Variants in HSD17B4 observed in about 807,000 individuals in gnomAD.
HSD17B4 encodes hydroxysteroid 17-beta dehydrogenase 4.
HSD17B4 carries 70 observed loss-of-function variants against 101.0 expected under a neutral mutation model. That is an observed-to-expected ratio of 0.69 (90% CI 0.57 to 0.85). The LOEUF is 0.85. Among genes scored for constraint, HSD17B4 ranks in the 40% least tolerant of loss-of-function variants. The pLI is 0.00. For synonymous variants in HSD17B4, 347 were observed against 297.1 expected, an observed-to-expected ratio of 1.17 and a Z score of -1.73; for missense variants, 984 against 892.4, an observed-to-expected ratio of 1.10 and a Z score of -1.31.
chr5:119,458,228 A>G (rs1372095977), intron 2 of HSD17B4, among the ~76,000 whole-genome samples: 2 of 152,186 alleles, frequency 1.3e-5, no homozygotes, highest in African/African-American at 4.8e-5. Flanking sequence ...ATCCATGTGG[A>G]AGTGCAGAAA....
At chr5:119,516,981 C>G (rs1328377387) in intron 17 of HSD17B4, among the ~76,000 whole-genome samples, 1 of 152,258 alleles carries the variant, frequency 6.6e-6, no homozygotes, top group East Asian at 1.9e-4. Context: ...GGCGCCTCCT[C>G]TGCCTGGGCT....
At chr5:119,494,399 T>TTATTTAA (rs1331965737) in intron 11 of HSD17B4, among the ~76,000 whole-genome samples, 1 of 144,968 alleles carries the variant, frequency 6.9e-6, no homozygotes, top group East Asian at 2.1e-4. Context: ...CTCAAAAAGA[T>TTATTTAA]TATTTAAGCC....
In HSD17B4 at chr5:119,493,874, C is replaced by T. The variant is rs146555135; in HGVS notation, c.796C>T (p.Pro266Ser). The change falls in exon 11 of 24, where the codon CCT becomes TCT. Residue 266 changes from proline (P) to serine (S), a missense_variant. Coordinates refer to ENST00000510025, the MANE Select transcript of HSD17B4 (RefSeq NM_000414.4). ...IVRQKNHPMT[P>S]EAVKANWKKI... ...AAGACAAAAGAATCACCCAATGACTCCTGAGGCAGTCAAGGCTAACTGGAA... is the reference window on the plus strand; with the variant it reads ...AAGACAAAAGAATCACCCAATGACTTCTGAGGCAGTCAAGGCTAACTGGAA... 6.4e-5 allele frequency: 104 copies of T among 1,612,668 alleles called. No homozygotes were observed. Among genetic ancestry groups the T allele is most frequent in the Non-Finnish European group, 8.1e-5 (96 of 1,178,942 alleles).
chr5:119,453,174 T>C (rs1754254333), intron 1 of HSD17B4, among the ~76,000 whole-genome samples: 1 of 152,180 alleles, frequency 6.6e-6, no homozygotes, highest in Non-Finnish European at 1.5e-5. Context: ...CCCTTCCCCG[T>C]TGGAGTTTGT....
At chr5:119,525,775 A>G (rs1753537593) in intron 18 of HSD17B4, 142 bp from the exon 19 acceptor site, 2 of 616,920 alleles carry the variant, frequency 3.2e-6, no homozygotes, top group Non-Finnish European at 5.8e-6. Context: ...TCTTTAAAAA[A>G]TATCTACTGT....
In HSD17B4 at chr5:119,518,454, G is replaced by A. The variant is rs142795181; in HGVS notation, c.1503+3408G>A. ...GTGAGACCAAGAACCCACCAATTCC[G>A]GACACAGAAGGGTTCGATAGTAAGA... On this transcript the variant is annotated intron_variant, in intron 17 of 23. Coordinates refer to ENST00000510025, the MANE Select transcript of HSD17B4 (RefSeq NM_000414.4). Among the ~76,000 whole-genome samples the A allele has an allele frequency of 3.5e-4, 53 of 152,276 alleles. No homozygotes were observed. The East Asian group carries it at 8.9e-3, about 26-fold the overall frequency.
chr5:119,511,490 A>T (rs988197010), intron 16 of HSD17B4, among the ~76,000 whole-genome samples: 2 of 152,350 alleles, frequency 1.3e-5, no homozygotes, highest in East Asian at 3.9e-4. Context: ...TTGTTGAACA[A>T]TTTATACCCC....
Position 119,506,828 on chromosome 5 carries a change from A to G in HSD17B4, c.1272A>G (p.Lys424=). The G allele has an allele frequency of 6.3e-7, 1 of 1,575,934 alleles. No individual in the cohort carries two copies. Among genetic ancestry groups the G allele is most frequent in the Non-Finnish European group, 8.7e-7 (1 of 1,146,270 alleles). ...TACTTTTCTTTCTAGGAAAATTAAA[A>G]TGTGAAGCAGTTGTTGCTGATGTCC... is the stretch of plus-strand genomic sequence containing the variant. ...YKPLPRAGKL[K]CEAVVADVLD... Residue 424 remains lysine (K), a synonymous_variant, in exon 15 of 24, where the codon AAA becomes AAG. Transcript: ENST00000510025.
chr5:119,456,511 C>G, intron 2 of HSD17B4, 143 bp downstream of exon 2: 1 of 666,416 alleles, frequency 1.5e-6, no homozygotes, highest in Non-Finnish European at 2.7e-6. Context: ...GTTTTTACCC[C>G]GACTAAGGCT....
At chr5:119,540,222 T>C (rs1754875443) in intron 23 of HSD17B4, among the ~76,000 whole-genome samples, 1 of 152,186 alleles carries the variant, frequency 6.6e-6, no homozygotes, top group Non-Finnish European at 1.5e-5. Context: ...GTTTCATTTA[T>C]GAAGTAGTTC....
intron 2 of HSD17B4, among the ~76,000 whole-genome samples, chr5:119,468,691 GT>G (rs763312402): frequency 4.8e-4 from 73 of 152,016 alleles, no homozygotes; most frequent in Admixed American, 1.1e-3. Context: ...CAGCTAAAAT[GT>G]TTTCTATGCC....
In HSD17B4 at chr5:119,491,940, C is replaced by G. The variant is rs570808583; in HGVS notation, c.715-160C>G. On this transcript the variant is annotated intron_variant, in intron 9 of 23. Coordinates refer to ENST00000510025, the MANE Select transcript of HSD17B4 (RefSeq NM_000414.4). Reference sequence around the variant, plus strand: ...TCCGATAACATGAGCAGTGCAAAGTCATGGGGGCCAGTGGACTCTTACAGA... The same window carrying G: ...TCCGATAACATGAGCAGTGCAAAGTGATGGGGGCCAGTGGACTCTTACAGA... 1.1e-3 allele frequency among the ~76,000 whole-genome samples: 161 copies of G among 152,276 alleles called. 1 individual carries two copies. Among genetic ancestry groups the G allele is most frequent in the African/African-American group, 3.9e-3 (160 of 41,554 alleles).
rs758207228 is a variant in HSD17B4, at chr5:119,473,955, G to A, written c.160G>A (p.Ala54Thr). 14 of 1,612,866 alleles carry A rather than the reference G, an allele frequency of 8.7e-6. No homozygotes were observed. The Admixed American group carries it at 2.3e-4, about 27-fold the overall frequency. ...CAAAGGAGTTGGTAAAGGCTCCTTAGCTGCTGATAAGGTTGTTGAAGAAAT... is the reference window on the plus strand; with the variant it reads ...CAAAGGAGTTGGTAAAGGCTCCTTAACTGCTGATAAGGTTGTTGAAGAAAT... Reference protein sequence around the residue: ...DFKGVGKGSLAADKVVEEIRR... With the variant: ...DFKGVGKGSLTADKVVEEIRR... The change falls in exon 3 of 24, where the codon GCT becomes ACT. Residue 54 changes from alanine (A) to threonine (T), a missense_variant. Ala to Thr is a moderately conservative substitution (Grantham distance 58, BLOSUM62 0). Coordinates refer to ENST00000510025, the MANE Select transcript of HSD17B4 (RefSeq NM_000414.4).
chr5:119,476,453 TA>T (rs1748592193), intron 6 of HSD17B4: 1 of 546,706 alleles, frequency 1.8e-6, no homozygotes, highest in Non-Finnish European at 2.3e-6. Context: ...CCATCAGAAC[TA>T]AAATGAACAG....
intron 2 of HSD17B4, among the ~76,000 whole-genome samples, chr5:119,467,841 G>T (rs1244494733): frequency 6.6e-6 from 1 of 152,098 alleles, no homozygotes; most frequent in Non-Finnish European, 1.5e-5. Context: ...ACTGAGTTAT[G>T]AATGTAGTTA....
At chr5:119,490,259 G>T (rs139887412) in intron 9 of HSD17B4, among the ~76,000 whole-genome samples, 37 of 152,258 alleles carry the variant, frequency 2.4e-4, no homozygotes, top group African/African-American at 7.9e-4. Flanking sequence ...GAGGTAGAAA[G>T]AACTTTACAA....
At chr5:119,492,034 A>T (rs1433410569) in intron 9 of HSD17B4, 66 bp from the exon 10 acceptor site, 1 of 1,330,882 alleles carries the variant, frequency 7.5e-7, no homozygotes, top group South Asian at 1.2e-5. Context: ...ACTTTTTTCT[A>T]ATTAAAACAA....
chr5:119,499,952 A>G (rs540132878), intron 13 of HSD17B4, among the ~76,000 whole-genome samples: 3 of 152,312 alleles, frequency 2.0e-5, no homozygotes, highest in African/African-American at 4.8e-5. Context: ...CAAATAGCAC[A>G]TACTTGACTT....
intron 14 of HSD17B4, among the ~76,000 whole-genome samples, chr5:119,504,653 G>C (rs190495642): frequency 6.6e-6 from 1 of 152,026 alleles, no homozygotes; most frequent in South Asian, 2.1e-4. Flanking sequence ...GTTGAACTAC[G>C]TTCCTCATAG....
Sources: gnomAD v4.1 joint callset for allele counts (sites outside exome capture counted in the v4.1 genomes callset) on GRCh38, gnomAD v4.1.1 for gene constraint, MANE v1.5 for transcripts, NCBI Gene and HGNC (gene_info 2026-07-23, HGNC 2026-07-21) for gene names.